PRELID2: variants seen among roughly 807,000 people sequenced by gnomAD.
PRELID2 encodes the protein PRELI domain containing 2.
A neutral mutation model predicts 28.4 loss-of-function variants in PRELID2; 25 were observed. The observed-to-expected ratio is 0.88, with a 90% CI of 0.64 to 1.23. The LOEUF is 1.23. Among genes scored for constraint, PRELID2 ranks in the 50% most tolerant of loss-of-function variants. PRELID2 has a pLI of 0.00. For synonymous variants in PRELID2, 76 were observed against 71.6 expected (o/e 1.06, Z -0.31); for missense variants, 201 against 214.4 (o/e 0.94, Z 0.39).
intron 3 of PRELID2, among the ~76,000 whole-genome samples, chr5:145,818,434 T>C (rs1754526115): frequency 6.6e-6 from 1 of 152,184 alleles, no homozygotes; most frequent in South Asian, 2.1e-4. Flanking sequence ...GTAAAATATT[T>C]TCTTCATTTT....
chr5:145,421,741 G>A, the PRELID2 span, among the ~76,000 whole-genome samples: 1 of 141,924 alleles, frequency 7.0e-6, no homozygotes, highest in African/African-American at 2.6e-5. Flanking sequence ...CTTCAGTTCT[G>A]CTCTGATATT....
At chr5:145,508,192 T>C (rs1045897156) in intron 1 of PRELID2, among the ~76,000 whole-genome samples, 2 of 152,152 alleles carry the variant, frequency 1.3e-5, no homozygotes, top group Non-Finnish European at 2.9e-5. Context: ...ATATTTAAAA[T>C]GCACATTCAC....
chr5:145,586,999 GA>G (rs1228433580), intron 1 of PRELID2, among the ~76,000 whole-genome samples: 2 of 152,000 alleles, frequency 1.3e-5, no homozygotes, highest in East Asian at 3.9e-4. Flanking sequence ...ACAATTCAGT[GA>G]AACTAATTGG....
intron 1 of PRELID2, among the ~76,000 whole-genome samples, chr5:145,642,756 C>A (rs1754129542): frequency 6.6e-6 from 1 of 152,080 alleles, no homozygotes; most frequent in African/African-American, 2.4e-5. Flanking sequence ...TTTTCAACAC[C>A]TTTTATTAAA....
the PRELID2 span, among the ~76,000 whole-genome samples, chr5:145,402,854 A>G: frequency 2.0e-5 from 3 of 152,198 alleles, no homozygotes; most frequent in Admixed American, 2.0e-4. Context: ...ATTTCAGGTA[A>G]GTCTTTTCAA....
intron 1 of PRELID2, among the ~76,000 whole-genome samples, chr5:145,564,086 T>C (rs1162702097): frequency 6.6e-6 from 1 of 152,238 alleles, no homozygotes; most frequent in African/African-American, 2.4e-5. Flanking sequence ...GATTTTACTT[T>C]TTGAAAAAGA....
chr5:145,669,912 A>T (rs1329604237), intron 1 of PRELID2, among the ~76,000 whole-genome samples: 2 of 152,108 alleles, frequency 1.3e-5, no homozygotes, highest in Non-Finnish European at 2.9e-5. Flanking sequence ...GCCATCTTAG[A>T]GCCTCTCATA....
chr5:145,553,154 A>G (rs777813514), intron 1 of PRELID2, among the ~76,000 whole-genome samples: 45 of 151,740 alleles, frequency 3.0e-4, no homozygotes, highest in Non-Finnish European at 3.8e-4. Context: ...ATAATATTAT[A>G]ATTGAAATAT....
intron 1 of PRELID2, among the ~76,000 whole-genome samples, chr5:145,624,999 G>A (rs1462457461): frequency 1.3e-5 from 2 of 152,124 alleles, no homozygotes; most frequent in Non-Finnish European, 2.9e-5. Context: ...CTCATTAGTA[G>A]TCAGGAAATG....
intron 1 of PRELID2, among the ~76,000 whole-genome samples, chr5:145,548,185 G>T (rs1752803903): frequency 6.6e-6 from 1 of 152,194 alleles, no homozygotes; most frequent in Non-Finnish European, 1.5e-5. Flanking sequence ...GATAAATCTT[G>T]TGTTATTTCA....
intron 1 of PRELID2, among the ~76,000 whole-genome samples, chr5:145,635,757 A>G (rs1753991658): frequency 6.6e-6 from 1 of 152,202 alleles, no homozygotes; most frequent in Non-Finnish European, 1.5e-5. Flanking sequence ...TCAGACCTAC[A>G]AAGTTTCACA....
chr5:145,389,263 T>TA, the PRELID2 span, among the ~76,000 whole-genome samples: 1 of 152,132 alleles, frequency 6.6e-6, no homozygotes, highest in Non-Finnish European at 1.5e-5. Flanking sequence ...TTATGGCTGT[T>TA]ACACAAGATA....
chr5:145,578,746 T>C (rs978030527), intron 1 of PRELID2, among the ~76,000 whole-genome samples: 16 of 152,108 alleles, frequency 1.1e-4, no homozygotes, highest in African/African-American at 3.9e-4. Context: ...GTGGTACCTA[T>C]TTATTTGTGA....
intron 1 of PRELID2, among the ~76,000 whole-genome samples, chr5:145,481,247 G>A (rs891072242): frequency 1.3e-5 from 2 of 151,890 alleles, no homozygotes; most frequent in Admixed American, 6.6e-5. Context: ...ATTACCTTTG[G>A]TTTATTTGGT....
the PRELID2 span, among the ~76,000 whole-genome samples, chr5:145,233,644 C>T: frequency 6.6e-6 from 1 of 152,144 alleles, no homozygotes; most frequent in Non-Finnish European, 1.5e-5. Flanking sequence ...GACCCAGCAT[C>T]TCTCAGGACA....
chr5:145,531,253 G>A (rs968634984), intron 1 of PRELID2, among the ~76,000 whole-genome samples: 1 of 152,114 alleles, frequency 6.6e-6, no homozygotes, highest in African/African-American at 2.4e-5. Flanking sequence ...TTCCCCCCTT[G>A]AGTTGTTATG....
At chr5:145,485,217 C>T (rs998266404) in intron 1 of PRELID2, among the ~76,000 whole-genome samples, 8 of 152,160 alleles carry the variant, frequency 5.3e-5, no homozygotes, top group African/African-American at 1.9e-4. Context: ...AATAGTGACA[C>T]TGAGAAGAGA....
the PRELID2 span, among the ~76,000 whole-genome samples, chr5:145,346,966 T>C: frequency 6.6e-6 from 1 of 152,176 alleles, no homozygotes; most frequent in Non-Finnish European, 1.5e-5. Flanking sequence ...TATATCCACA[T>C]TCTTTGAAGT....
chr5:145,439,887 A>G, the PRELID2 span, among the ~76,000 whole-genome samples: 1 of 152,088 alleles, frequency 6.6e-6, no homozygotes, highest in East Asian at 1.9e-4. Context: ...GTTCCAAAAC[A>G]AAACAAACAC....
Sources: gnomAD v4.1 joint callset for allele counts (sites outside exome capture counted in the v4.1 genomes callset) on GRCh38, gnomAD v4.1.1 for gene constraint, MANE v1.5 for transcripts, NCBI Gene and HGNC (gene_info 2026-07-23, HGNC 2026-07-21) for gene names.